The following ANKIB1 variants were observed in gnomAD, a reference collection of about 807,000 sequenced individuals.
The protein encoded by ANKIB1 is ankyrin repeat and IBR domain containing 1, also known as ankyrin repeat and IBR domain-containing protein 1.
A neutral mutation model predicts 122.1 loss-of-function variants in ANKIB1; 43 were observed. That is an observed-to-expected ratio of 0.35 (90% CI 0.28 to 0.45). ANKIB1 has a LOEUF of 0.45. Ranked by LOEUF, ANKIB1 falls within the 20% of genes least tolerant of loss-of-function variation. The pLI, the probability that ANKIB1 is intolerant of heterozygous loss-of-function variation, is 1.00. For missense variants in ANKIB1, 992 were observed against 1,329.5 expected, an observed-to-expected ratio of 0.75 and a Z score of 3.95; for synonymous variants, 390 against 442.0, an observed-to-expected ratio of 0.88 and a Z score of 1.48.
At chr7:92,389,015 A>C (rs947892167) in intron 14 of ANKIB1, among the ~76,000 whole-genome samples, 1 of 152,212 alleles carries the variant, frequency 6.6e-6, no homozygotes, top group East Asian at 1.9e-4. Flanking sequence ...TTGTCTGGTC[A>C]CTAATACATC....
intron 10 of ANKIB1, among the ~76,000 whole-genome samples, chr7:92,364,055 C>T (rs1804013454): frequency 6.6e-6 from 1 of 152,082 alleles, no homozygotes; most frequent in Non-Finnish European, 1.5e-5. Context: ...CATCTGTAAT[C>T]CTAGCACTTT....
chr7:92,326,667 C>T (rs1803033476), intron 4 of ANKIB1, among the ~76,000 whole-genome samples: 1 of 152,126 alleles, frequency 6.6e-6, no homozygotes, highest in Non-Finnish European at 1.5e-5. Flanking sequence ...TAGGAGAACT[C>T]ATGTTTCATA....
At chr7:92,388,495 C>G (rs1804714919) in intron 14 of ANKIB1, among the ~76,000 whole-genome samples, 1 of 152,156 alleles carries the variant, frequency 6.6e-6, no homozygotes, top group Non-Finnish European at 1.5e-5. Flanking sequence ...AATCATTTCA[C>G]TGGTAAATAA....
chr7:92,292,371 T>C (rs1030071715), intron 1 of ANKIB1, among the ~76,000 whole-genome samples: 45 of 152,254 alleles, frequency 3.0e-4, no homozygotes, highest in African/African-American at 1.1e-3. Context: ...TAGAGTATTA[T>C]AGATTTTTTT....
At chr7:92,357,234 A>G (rs78727688) in intron 9 of ANKIB1, among the ~76,000 whole-genome samples, 122 of 149,682 alleles carry the variant, frequency 8.2e-4, no homozygotes, top group African/African-American at 2.7e-3. Flanking sequence ...TTAGGCAACT[A>G]TTTTTTTTTT....
At chr7:92,318,592 T>C (rs894082000) in intron 3 of ANKIB1, among the ~76,000 whole-genome samples, 34 of 152,238 alleles carry the variant, frequency 2.2e-4, no homozygotes, top group Admixed American at 2.2e-3. Flanking sequence ...TTCATGCCCT[T>C]CTTAATATCT....
rs557128258 is a variant in ANKIB1, at chr7:92,264,055, T to A, written c.-91+17536T>A. Among the ~76,000 whole-genome samples the A allele has an allele frequency of 1.6e-4, 24 of 152,312 alleles. No individual in the cohort carries two copies. The South Asian group carries it at 3.1e-3, about 20-fold the overall frequency. ...ATGTGTTATATCTATTGCACAGTGT[T>A]CCATTGTATGATTAACCATCACTTA... is the stretch of plus-strand genomic sequence containing the variant. On this transcript the variant is annotated intron_variant, in intron 1 of 19. Transcript: ENST00000265742.
chr7:92,382,318 T>C (rs1562798512), intron 11 of ANKIB1, among the ~76,000 whole-genome samples: 2 of 152,144 alleles, frequency 1.3e-5, no homozygotes, highest in African/African-American at 2.4e-5. Flanking sequence ...CTGTCAATAT[T>C]AGACAGATAA....
At chr7:92,279,069 A>G (rs931397289) in intron 1 of ANKIB1, among the ~76,000 whole-genome samples, 6 of 152,348 alleles carry the variant, frequency 3.9e-5, no homozygotes, top group Admixed American at 1.3e-4. Flanking sequence ...ACCTCAGATC[A>G]TCAGGCATAA....
At chr7:92,382,697 C>G (rs1281273178) in intron 11 of ANKIB1, among the ~76,000 whole-genome samples, 4 of 152,126 alleles carry the variant, frequency 2.6e-5, no homozygotes, top group Non-Finnish European at 5.9e-5. Flanking sequence ...CCAATGAGAA[C>G]AAAGACACAA....
chr7:92,386,044 G>T (rs1804638510), intron 11 of ANKIB1, among the ~76,000 whole-genome samples: 1 of 152,080 alleles, frequency 6.6e-6, no homozygotes, highest in African/African-American at 2.4e-5. Flanking sequence ...TAATTAAGTT[G>T]GAATTTACAT....
chr7:92,272,754 A>T (rs1801823458), intron 1 of ANKIB1, among the ~76,000 whole-genome samples: 1 of 152,266 alleles, frequency 6.6e-6, no homozygotes, highest in South Asian at 2.1e-4. Flanking sequence ...GTGTCACTTA[A>T]AATGGGGATA....
chr7:92,352,189 GCAAA>G (rs1468979568), intron 8 of ANKIB1, among the ~76,000 whole-genome samples: 2 of 152,082 alleles, frequency 1.3e-5, no homozygotes, highest in Non-Finnish European at 2.9e-5. Context: ...TATTTTCTGT[GCAAA>G]CAATTACATT....
intron 6 of ANKIB1, 130 bp downstream of exon 6, chr7:92,343,362 G>T: frequency 1.3e-6 from 1 of 767,490 alleles, no homozygotes; most frequent in Non-Finnish European, 2.1e-6. Context: ...TTCTTGAAAG[G>T]TTCGGTTATT....
chr7:92,352,415 C>A, intron 8 of ANKIB1, 61 bp from the exon 9 acceptor site: 2 of 1,521,344 alleles, frequency 1.3e-6, no homozygotes, highest in Non-Finnish European at 1.8e-6. Flanking sequence ...GAGGTACACT[C>A]TGTATTAGAA....
chr7:92,344,883 A>C (rs1803508644), intron 6 of ANKIB1, 95 bp from the exon 7 acceptor site: 1 of 959,238 alleles, frequency 1.0e-6, no homozygotes, highest in Admixed American at 2.1e-5. Flanking sequence ...TAATTACTGT[A>C]CTAGTATTTT....
chr7:92,358,920 A>G (rs1198723226), intron 9 of ANKIB1, among the ~76,000 whole-genome samples: 1 of 152,164 alleles, frequency 6.6e-6, no homozygotes, highest in Non-Finnish European at 1.5e-5. Context: ...TGCAGGCACC[A>G]TATGGAAACA....
intron 5 of ANKIB1, among the ~76,000 whole-genome samples, chr7:92,335,607 C>T (rs1373260194): frequency 2.0e-5 from 3 of 151,866 alleles, no homozygotes; most frequent in Non-Finnish European, 4.4e-5. Flanking sequence ...ACTCTTTTCT[C>T]ACCATGAAAT....
intron 1 of ANKIB1, among the ~76,000 whole-genome samples, chr7:92,247,114 TGAG>T (rs1801123541): frequency 2.0e-5 from 3 of 152,332 alleles, no homozygotes; most frequent in African/African-American, 7.2e-5. Flanking sequence ...AAGCATCTCC[TGAG>T]GAGATTTTGA....
Sources: allele counts gnomAD v4.1 joint callset (sites outside exome capture counted in the v4.1 genomes callset), GRCh38; gene constraint gnomAD v4.1.1; transcripts MANE v1.5; gene names NCBI Gene and HGNC (gene_info 2026-07-23, HGNC 2026-07-21).